PCDHGA2: variants seen among roughly 807,000 people sequenced by gnomAD.
The protein encoded by PCDHGA2 is protocadherin gamma subfamily A, 2, also known as protocadherin gamma-A2.
In PCDHGA2, 40 loss-of-function variants were observed where a neutral mutation model predicts 59.2. That is an observed-to-expected ratio of 0.68 (90% CI 0.52 to 0.88). The LOEUF (loss-of-function observed/expected upper bound fraction) is 0.88. Ranked by LOEUF, PCDHGA2 falls within the 40% of genes least tolerant of loss-of-function variation. The pLI is 0.00. For synonymous variants in PCDHGA2, 560 were observed against 526.0 expected, an observed-to-expected ratio of 1.06 and a Z score of -0.89; for missense variants, 1,226 against 1,204.0, an observed-to-expected ratio of 1.02 and a Z score of -0.27.
At chr5:141,345,431 C>G in intron 1 of PCDHGA2, 2 of 1,614,066 alleles carry the variant, frequency 1.2e-6, no homozygotes, top group Non-Finnish European at 1.7e-6. Context: ...AAAACAACCC[C>G]AGAGGAGCCT....
At chr5:141,346,416 C>G in intron 1 of PCDHGA2, 1 of 1,614,234 alleles carries the variant, frequency 6.2e-7, no homozygotes, top group South Asian at 1.1e-5. Flanking sequence ...TCTGATAACT[C>G]AGGATTTACT....
chr5:141,372,431 C>T (rs1389799630), intron 1 of PCDHGA2: 1 of 1,614,052 alleles, frequency 6.2e-7, no homozygotes, highest in East Asian at 2.2e-5. Context: ...GCGACCGCCC[C>T]ACTCCCTCTG....
Position 141,421,478 on chromosome 5 carries a change from G to A in PCDHGA2, c.2425-73329G>A, listed in dbSNP as rs763769838. The A allele has an allele frequency of 2.5e-6, 4 of 1,614,012 alleles. No individual in the cohort carries two copies. In the African/African-American group the frequency reaches 4.0e-5, roughly 16 times the overall value. On this transcript the variant is annotated intron_variant, in intron 1 of 3. Coordinates refer to ENST00000394576, the MANE Select transcript of PCDHGA2 (RefSeq NM_018915.4). ...TTCGCTGTGAATCCGCGAAGCGGCA[G>A]CTTGATCACGGCAGGCAGGATAGAC... is the stretch of plus-strand genomic sequence containing the variant.
chr5:141,507,522 C>G (rs560304194), intron 3 of PCDHGA2, among the ~76,000 whole-genome samples: 365 of 152,096 alleles, frequency 2.4e-3, no homozygotes, highest in African/African-American at 8.1e-3. Context: ...GCTATGATTC[C>G]AGAGAGGCCA....
chr5:141,376,476 T>C (rs1772728633), intron 1 of PCDHGA2: 19 of 1,614,192 alleles, frequency 1.2e-5, no homozygotes, highest in Middle Eastern at 1.6e-4. Context: ...CAGGATTTAC[T>C]TGAAACGAAA....
In PCDHGA2 at chr5:141,340,751, G is replaced by A; in HGVS notation, c.1780G>A (p.Val594Met). 6.2e-7 allele frequency: 1 copy of A among 1,614,002 alleles called. No homozygotes were observed. The highest frequency in any genetic ancestry group is 8.5e-7 in the Non-Finnish European group (1 of 1,180,038). ...CTACCTGGTGACCAAGGTGGTGGCG[G>A]TGGACAGAGACTCGGGCCAGAACGC... ...PGYLVTKVVA[V>M]DRDSGQNAWL... Residue 594 changes from valine to methionine, a missense_variant, in exon 1 of 4, where the codon GTG becomes ATG. Physicochemically the swap from Val to Met is conservative, Grantham distance 21. Coordinates refer to ENST00000394576, the MANE Select transcript of PCDHGA2 (RefSeq NM_018915.4).
intron 1 of PCDHGA2, chr5:141,350,707 C>G: frequency 1.2e-6 from 2 of 1,613,992 alleles, no homozygotes; most frequent in East Asian, 2.2e-5. Context: ...GGGTAAAATT[C>G]TCTCTGGATT....
At chr5:141,414,320 A>C (rs372261571) in intron 1 of PCDHGA2, 7 of 1,613,840 alleles carry the variant, frequency 4.3e-6, no homozygotes, top group Non-Finnish European at 5.9e-6. Flanking sequence ...GACTCTGAGC[A>C]GAATGGACAG....
At chr5:141,376,603 G>A (rs1772884003) in intron 1 of PCDHGA2, 1 of 1,516,632 alleles carries the variant, frequency 6.6e-7, no homozygotes, top group East Asian at 2.3e-5. Context: ...TGTTATAGAA[G>A]CGAACCTCTT....
At chr5:141,342,863 G>GA (rs1320636556) in intron 1 of PCDHGA2, 2 of 152,088 alleles carry the variant, frequency 1.3e-5, no homozygotes, top group East Asian at 1.9e-4. Flanking sequence ...AGTTGGTTTT[G>GA]AAAAAACATC....
In PCDHGA2 at chr5:141,485,624, C is replaced by T; in HGVS notation, c.2425-9183C>T. 1 of 1,611,640 alleles carries T rather than the reference C, an allele frequency of 6.2e-7. No homozygotes were observed. The highest frequency in any genetic ancestry group is 1.1e-5 in the South Asian group (1 of 90,868). The stretch of plus-strand genomic sequence containing the variant: ...TGGGGAGGCAGCTCCTCCAGGACAG[C>T]GTTTCCCGTTGGAAAAGGCTCAGGA... On this transcript the variant is annotated intron_variant, in intron 1 of 3. Transcript: ENST00000394576. This position sits in a 1 kb window ranked among gnomAD's most constrained non-coding sequence, Gnocchi z 5.7.
rs141514361 is a variant in PCDHGA2, at chr5:141,494,629, A to G, written c.2425-178A>G. 4,666 of 858,664 alleles carry G rather than the reference A, an allele frequency of 5.4e-3. 23 individuals are homozygous for G. Among genetic ancestry groups the G allele is most frequent in the Admixed American group, 0.011 (170 of 16,094 alleles). 53.2% of individuals were successfully genotyped at this position (858,664 alleles called of 1,614,324 possible). On this transcript the variant is annotated intron_variant, in intron 1 of 3. Coordinates refer to ENST00000394576, the MANE Select transcript of PCDHGA2 (RefSeq NM_018915.4). ...TATCTCTTGGTTTCTGGTACCTCAGACCTCTGAGACCTGAGGTGTATTTTG... is the reference window on the plus strand; with the variant it reads ...TATCTCTTGGTTTCTGGTACCTCAGGCCTCTGAGACCTGAGGTGTATTTTG...
chr5:141,383,272 G>C (rs369691483), intron 1 of PCDHGA2: 1 of 1,613,802 alleles, frequency 6.2e-7, no homozygotes, highest in Non-Finnish European at 8.5e-7. Flanking sequence ...GGAAATAATA[G>C]ATATTAATGA....
chr5:141,358,915 G>A (rs28587232), intron 1 of PCDHGA2, among the ~76,000 whole-genome samples: 3,974 of 152,296 alleles, frequency 0.026, 167 homozygotes, highest in African/African-American at 0.091. Context: ...AATATTTTGT[G>A]TGTAGGGGAT....
chr5:141,385,041 C>T, intron 1 of PCDHGA2: 1 of 1,614,174 alleles, frequency 6.2e-7, no homozygotes, highest in Non-Finnish European at 8.5e-7. Flanking sequence ...TGCTGGCGCT[C>T]AGGCTGCGGC....
chr5:141,403,487 T>C, intron 1 of PCDHGA2: 1 of 1,613,930 alleles, frequency 6.2e-7, no homozygotes. Flanking sequence ...TCACCACTTC[T>C]CCCTGAACGT....
At chr5:141,503,554 G>A (rs1395044357) in intron 2 of PCDHGA2, among the ~76,000 whole-genome samples, 11 of 149,146 alleles carry the variant, frequency 7.4e-5, no homozygotes, top group East Asian at 3.9e-4. Flanking sequence ...AGCCGAGATC[G>A]CGCCACTGTA....
rs768079276 is a variant in PCDHGA2, at chr5:141,490,997, G to A, written c.2425-3810G>A. On this transcript the variant is annotated intron_variant, in intron 1 of 3. Transcript: ENST00000394576. The surrounding 1 kb of genome is among the most constrained non-coding windows in gnomAD (Gnocchi z 5.4). ...CGTCTCCCTCGCTCTGCTCCTCCTG[G>A]CTCCTTGGTCACCAAGGTGACAGCC... 1.2e-6 allele frequency: 2 copies of A among 1,614,032 alleles called. No individual in the cohort carries two copies. Among genetic ancestry groups the A allele is most frequent in the Admixed American group, 1.7e-5 (1 of 60,030 alleles).
chr5:141,478,246 C>T (rs1305046488), intron 1 of PCDHGA2: 1 of 1,614,100 alleles, frequency 6.2e-7, no homozygotes, highest in Admixed American at 1.7e-5. Context: ...TCACAGTGTT[C>T]GGAGTAATCA....
Sources: gnomAD v4.1 joint callset for allele counts (sites outside exome capture counted in the v4.1 genomes callset) on GRCh38, gnomAD v4.1.1 for gene constraint, Gnocchi (gnomAD v3.1) non-coding constraint, MANE v1.5 for transcripts, NCBI Gene and HGNC (gene_info 2026-07-23, HGNC 2026-07-21) for gene names.